Variants in SEMA3C observed in about 807,000 individuals in gnomAD.
SEMA3C encodes the protein semaphorin 3C.
SEMA3C carries 47 observed loss-of-function variants against 89.4 expected under a neutral mutation model. The ratio of observed to expected loss-of-function variants is 0.53; its 90% CI spans 0.42 to 0.67. The LOEUF (loss-of-function observed/expected upper bound fraction) is 0.67, where lower values mean the gene tolerates loss of function less well. Among genes scored for constraint, SEMA3C ranks in the 30% least tolerant of loss-of-function variants. SEMA3C has a pLI of 0.00. For missense variants in SEMA3C, 839 were observed against 929.1 expected (o/e 0.90, Z 1.26); for synonymous variants, 310 against 320.2 (o/e 0.97, Z 0.34).
chr7:80,788,866 G>T (rs1361749836), intron 12 of SEMA3C, among the ~76,000 whole-genome samples: 1 of 152,106 alleles, frequency 6.6e-6, no homozygotes, highest in Admixed American at 6.5e-5. Flanking sequence ...TATTAAATAA[G>T]GGCTAAACCA....
At position 80,751,354 on chromosome 7, in the gene SEMA3C, C is replaced by T. The variant is rs1341992094; in HGVS notation, c.1644-18G>A. 6.2e-7 allele frequency: 1 copy of T among 1,610,038 alleles called. No homozygotes were observed. The highest frequency in any genetic ancestry group is 8.5e-7 in the Non-Finnish European group (1 of 1,176,368). ...GGCTCCTCCTGCAAGTGCAGAAATA[C>T]ATAAAAGTGACTGAGAATTATCACT... On this transcript the variant is annotated intron_variant, in intron 15 of 17. Transcript: ENST00000265361.
chr7:80,780,243 T>C (rs1054503716), intron 12 of SEMA3C, among the ~76,000 whole-genome samples: 1 of 152,208 alleles, frequency 6.6e-6, no homozygotes, highest in Non-Finnish European at 1.5e-5. Context: ...TCTCCTCCAT[T>C]GGGTCAAGAG....
intron 2 of SEMA3C, among the ~76,000 whole-genome samples, chr7:80,869,403 G>A (rs1228335065): frequency 6.6e-6 from 1 of 152,140 alleles, no homozygotes; most frequent in Non-Finnish European, 1.5e-5. Flanking sequence ...AATTTGCTGT[G>A]TGCCCTTTAA....
In SEMA3C at chr7:80,775,563, T is replaced by A. The variant is rs376912197; in HGVS notation, c.1355-10320A>T. ...GCCCATTATCTTTTATCTACAAATC[T>A]AAAAATCTTAAGTTTGTTTTCTTTT... On this transcript the variant is annotated intron_variant, in intron 12 of 17. Transcript: ENST00000265361. Among the ~76,000 whole-genome samples, 185 of 152,272 alleles carry A rather than the reference T, an allele frequency of 1.2e-3. 5 individuals carry two copies. The South Asian group carries it at 0.037, about 30-fold the overall frequency.
intron 2 of SEMA3C, among the ~76,000 whole-genome samples, chr7:80,857,240 C>T (rs1790663331): frequency 6.6e-6 from 1 of 152,078 alleles, no homozygotes; most frequent in African/African-American, 2.4e-5. Context: ...CCAAGAAGAG[C>T]ACATAAACAC....
At position 80,866,133 on chromosome 7, in the gene SEMA3C, T is replaced by C. The variant is rs1790921499; in HGVS notation, c.104-37388A>G. 2.6e-5 allele frequency among the ~76,000 whole-genome samples: 4 copies of C among 152,194 alleles called. No individual in the cohort carries two copies. The South Asian group carries it at 6.2e-4, about 24-fold the overall frequency. On this transcript the variant is annotated intron_variant, in intron 2 of 17. Coordinates refer to ENST00000265361, the MANE Select transcript of SEMA3C (RefSeq NM_006379.5). ...AGATCCAACAGTGTTTTCAGATATG[T>C]GTTTTCAATTAATTTGCATAAAACT...
At chr7:80,782,055 G>A (rs1788703443) in intron 12 of SEMA3C, among the ~76,000 whole-genome samples, 1 of 152,122 alleles carries the variant, frequency 6.6e-6, no homozygotes, top group South Asian at 2.1e-4. Flanking sequence ...TTTGAATATA[G>A]ATATGAGTCC....
At chr7:80,891,142 A>C (rs530469467) in intron 2 of SEMA3C, among the ~76,000 whole-genome samples, 1 of 152,284 alleles carries the variant, frequency 6.6e-6, no homozygotes, top group Admixed American at 6.5e-5. Context: ...CTACCTTTTT[A>C]CTGGTTTCCG....
At chr7:80,788,935 T>C (rs558102475) in intron 12 of SEMA3C, among the ~76,000 whole-genome samples, 7 of 152,258 alleles carry the variant, frequency 4.6e-5, no homozygotes, top group Non-Finnish European at 7.4e-5. Flanking sequence ...TCTTTTTCCA[T>C]TGAGACAAGA....
chr7:80,841,367 C>T (rs1278581207), intron 2 of SEMA3C, among the ~76,000 whole-genome samples: 1 of 152,120 alleles, frequency 6.6e-6, no homozygotes, highest in Non-Finnish European at 1.5e-5. Context: ...GCAACTTATA[C>T]ATATTCTCAT....
chr7:80,878,996 C>T (rs899811419), intron 2 of SEMA3C, among the ~76,000 whole-genome samples: 3 of 151,964 alleles, frequency 2.0e-5, no homozygotes, highest in Non-Finnish European at 2.9e-5. Flanking sequence ...GTAATCAAAT[C>T]GGATAAGGGG....
At position 80,867,719 on chromosome 7, in the gene SEMA3C, T is replaced by TACACACACACAC. The variant is rs10641992; in HGVS notation, c.104-38986_104-38975dup. ...TTTCTATATCGATATGTATAAATCA[T>TACACACACACAC]ACACACACACACACACACACATTAA... On this transcript the variant is annotated intron_variant, in intron 2 of 17. Coordinates refer to ENST00000265361, the MANE Select transcript of SEMA3C (RefSeq NM_006379.5). 5.0e-3 allele frequency among the ~76,000 whole-genome samples: 749 copies of TACACACACACAC among 149,798 alleles called. 26 individuals are homozygous for TACACACACACAC. The East Asian group carries it at 0.074, about 15-fold the overall frequency.
At chr7:80,893,770 G>C (rs1791670699) in intron 2 of SEMA3C, among the ~76,000 whole-genome samples, 1 of 151,986 alleles carries the variant, frequency 6.6e-6, no homozygotes, top group African/African-American at 2.4e-5. Flanking sequence ...AAATAATTCA[G>C]AGAATACATT....
intron 2 of SEMA3C, among the ~76,000 whole-genome samples, chr7:80,842,631 G>A (rs1221612547): frequency 2.6e-5 from 4 of 152,078 alleles, no homozygotes; most frequent in Admixed American, 2.6e-4. Flanking sequence ...AATGCAGAGG[G>A]AAGCTTCACT....
At chr7:80,855,069 C>A (rs948708972) in intron 2 of SEMA3C, among the ~76,000 whole-genome samples, 4 of 152,070 alleles carry the variant, frequency 2.6e-5, no homozygotes, top group Admixed American at 6.6e-5. Flanking sequence ...TATTCATAAG[C>A]AATATTTCTC....
chr7:80,744,121 CTTT>C lies in SEMA3C; in HGVS notation c.*770_*772del, dbSNP rs1787743664. 1 of 48,906 alleles carries C rather than the reference CTTT, an allele frequency of 2.0e-5. No homozygotes were observed. The highest frequency in any genetic ancestry group is 5.1e-5 in the African/African-American group (1 of 19,476). The allele number at this position is 48,906 out of a possible 1,614,324, so 3.0% of individuals were successfully genotyped here. ...TAACTGAGTAGTGCCAGATTATATT[CTTT>C]GAGTCTAAAATAAATAACTTCCAAA... On this transcript the variant is annotated 3_prime_UTR_variant, in exon 18 of 18. Transcript: ENST00000265361.
chr7:80,853,146 G>A (rs1234092601), intron 2 of SEMA3C, among the ~76,000 whole-genome samples: 1 of 152,074 alleles, frequency 6.6e-6, no homozygotes, highest in Admixed American at 6.6e-5. Context: ...TGTGGAGAGG[G>A]AATCTTTCCA....
intron 12 of SEMA3C, among the ~76,000 whole-genome samples, chr7:80,777,301 T>C (rs530808292): frequency 2.0e-5 from 3 of 147,768 alleles, no homozygotes; most frequent in Admixed American, 1.4e-4. Context: ...TTATTTGGGG[T>C]TTTTTTTTTA....
At chr7:80,843,365 CTTTT>C (rs983027584) in intron 2 of SEMA3C, among the ~76,000 whole-genome samples, 4 of 152,072 alleles carry the variant, frequency 2.6e-5, no homozygotes, top group African/African-American at 9.7e-5. Context: ...AAATGAGACT[CTTTT>C]TCTTTGTGTT....
Sources: allele counts gnomAD v4.1 joint callset (sites outside exome capture counted in the v4.1 genomes callset), GRCh38; gene constraint gnomAD v4.1.1; transcripts MANE v1.5; gene names NCBI Gene and HGNC (gene_info 2026-07-23, HGNC 2026-07-21).